ATP2C1: variants seen among roughly 807,000 people sequenced by gnomAD.
ATP2C1 encodes ATPase secretory pathway Ca2+ transporting 1, also known as calcium-transporting ATPase type 2C member 1.
A neutral mutation model predicts 120.5 loss-of-function variants in ATP2C1; 31 were observed. The observed-to-expected ratio is 0.26, with a 90% confidence interval of 0.19 to 0.35. The LOEUF (loss-of-function observed/expected upper bound fraction) is 0.35, where lower values mean the gene tolerates loss of function less well. Ranked by LOEUF, ATP2C1 falls within the 10% of genes least tolerant of loss-of-function variation. The probability of loss-of-function intolerance (pLI) is 1.00; values close to 1 mark genes in which losing one functional copy is unlikely to be tolerated. For missense variants in ATP2C1, 731 were observed against 1,107.5 expected (o/e 0.66, Z 4.83); for synonymous variants, 351 against 358.7 (o/e 0.98, Z 0.24).
At chr3:130,915,282 C>G (rs867380596) in intron 2 of ATP2C1, among the ~76,000 whole-genome samples, 6 of 151,964 alleles carry the variant, frequency 3.9e-5, no homozygotes, top group Non-Finnish European at 8.8e-5. Flanking sequence ...GTAGTAGAGA[C>G]AGGGTTTTAC....
intron 5 of ATP2C1, among the ~76,000 whole-genome samples, chr3:130,936,839 C>T (rs1052847046): frequency 2.7e-5 from 4 of 145,624 alleles, no homozygotes; most frequent in Non-Finnish European, 3.1e-5. Context: ...AAAAAAAACT[C>T]CTCCCTAAAA....
chr3:130,982,989 A>T (rs1156444192), intron 20 of ATP2C1, among the ~76,000 whole-genome samples: 1 of 152,182 alleles, frequency 6.6e-6, no homozygotes, highest in Non-Finnish European at 1.5e-5. Context: ...TTCATTTTAC[A>T]TAACTTTGGC....
intron 1 of ATP2C1, among the ~76,000 whole-genome samples, chr3:130,872,055 G>T (rs1038308486): frequency 6.6e-6 from 1 of 150,798 alleles, no homozygotes; most frequent in Non-Finnish European, 1.5e-5. Flanking sequence ...TTTAAGCAAT[G>T]TCTTGGCCCT....
At chr3:130,898,079 A>G (rs1014793354) in intron 2 of ATP2C1, among the ~76,000 whole-genome samples, 4 of 152,160 alleles carry the variant, frequency 2.6e-5, no homozygotes, top group South Asian at 2.1e-4. Context: ...CTAGTAATGG[A>G]TTTATTTTTT....
chr3:130,941,356 A>AACAG (rs2059912553), intron 7 of ATP2C1, among the ~76,000 whole-genome samples: 1 of 152,132 alleles, frequency 6.6e-6, no homozygotes, highest in Non-Finnish European at 1.5e-5. Flanking sequence ...TTCACAATCA[A>AACAG]ACAGACCCAG....
chr3:130,983,065 A>G (rs934286606), intron 20 of ATP2C1, among the ~76,000 whole-genome samples: 26 of 152,182 alleles, frequency 1.7e-4, no homozygotes, highest in African/African-American at 6.0e-4. Context: ...TGAGTATACC[A>G]TGTGTATGTG....
In ATP2C1 at chr3:130,969,619, G is replaced by A. The variant is rs151335899; in HGVS notation, c.1413+223G>A. 2.0e-3 allele frequency among the ~76,000 whole-genome samples: 307 copies of A among 152,278 alleles called. 1 individual carries two copies. The highest frequency in any genetic ancestry group is 3.7e-4 in the Non-Finnish European group (25 of 68,004). On this transcript the variant is annotated intron_variant, in intron 17 of 27. Transcript: ENST00000510168. ...TATATTCATGGAGTTGCTGCTGTGTGAGCAAACAGCTTAAATGAGTTGTAG... is the reference window on the plus strand; with the variant it reads ...TATATTCATGGAGTTGCTGCTGTGTAAGCAAACAGCTTAAATGAGTTGTAG...
At chr3:130,965,355 A>C (rs2108643630) in intron 14 of ATP2C1, among the ~76,000 whole-genome samples, 1 of 152,174 alleles carries the variant, frequency 6.6e-6, no homozygotes, top group Non-Finnish European at 1.5e-5. Context: ...AGCTTCTTTA[A>C]GTTACCGCCA....
At chr3:130,882,210 T>C (rs2068807041) in intron 1 of ATP2C1, among the ~76,000 whole-genome samples, 1 of 151,046 alleles carries the variant, frequency 6.6e-6, no homozygotes, top group Admixed American at 6.6e-5. Flanking sequence ...TTTTTCTTTC[T>C]TCTTTTTTTT....
intron 16 of ATP2C1, 24 bp downstream of exon 16, chr3:130,967,443 T>C: frequency 6.3e-7 from 1 of 1,592,418 alleles, no homozygotes; most frequent in Non-Finnish European, 8.6e-7. Flanking sequence ...TTTCTCTTCT[T>C]TGACATTTGA....
At chr3:130,869,444 A>AT (rs2068351629) in intron 1 of ATP2C1, 6 of 45,680 alleles carry the variant, frequency 1.3e-4, no homozygotes, top group African/African-American at 2.7e-4. Context: ...AAAAAAAAAA[A>AT]AAAAAAAAAA....
chr3:130,913,449 G>T (rs139037540), intron 2 of ATP2C1, among the ~76,000 whole-genome samples: 1 of 152,152 alleles, frequency 6.6e-6, no homozygotes, highest in Non-Finnish European at 1.5e-5. Flanking sequence ...TGGCCCACCT[G>T]TCAGAAATTA....
chr3:131,002,552 T>C lies in ATP2C1; in HGVS notation c.*1202T>C. ...TAGGTGGATTTTGTGTGTAATGCCA[T>C]CAGTTTTTATGAAAGCTTGATGAGG... On this transcript the variant is annotated 3_prime_UTR_variant, in exon 28 of 28. Transcript: ENST00000510168. The C allele has an allele frequency of 1.0e-6, 1 of 985,420 alleles. No individual in the cohort carries two copies. The highest frequency in any genetic ancestry group is 1.2e-6 in the Non-Finnish European group (1 of 829,916). The allele number at this position is 985,420 out of a possible 1,614,324, so 61.0% of individuals were successfully genotyped here. A position where few individuals can be genotyped will look rare whatever the true frequency, so the allele number is the denominator to read the frequency against.
intron 1 of ATP2C1, among the ~76,000 whole-genome samples, chr3:130,857,919 T>C (rs1356690595): frequency 6.6e-6 from 1 of 152,066 alleles, no homozygotes; most frequent in Non-Finnish European, 1.5e-5. Flanking sequence ...ACCTCAAAAG[T>C]AGGGAAGCTG....
intron 2 of ATP2C1, among the ~76,000 whole-genome samples, chr3:130,916,491 T>C (rs1256461476): frequency 1.3e-5 from 2 of 151,978 alleles, no homozygotes; most frequent in African/African-American, 4.8e-5. Flanking sequence ...CAAAAGGTGA[T>C]TGATTAGTAG....
chr3:130,850,681 G>C (rs546854325), exon 1 of ATP2C1: 107 of 461,458 alleles, frequency 2.3e-4, no homozygotes, highest in African/African-American at 1.8e-3. Context: ...AAACAGCAAG[G>C]AGAACATTTG....
At chr3:130,919,467 C>T (rs1300485151) in intron 2 of ATP2C1, among the ~76,000 whole-genome samples, 1 of 152,126 alleles carries the variant, frequency 6.6e-6, no homozygotes, top group Non-Finnish European at 1.5e-5. Flanking sequence ...GATCCGCCTG[C>T]CTCAGCCTCC....
chr3:130,854,092 G>A (rs986118738), intron 1 of ATP2C1: 8 of 152,170 alleles, frequency 5.3e-5, no homozygotes, highest in Non-Finnish European at 1.0e-4. Flanking sequence ...GCTTTTTCTG[G>A]TGGTGGTAGT....
At chr3:131,016,020 A>C in intron 26 of ATP2C1, 1 of 1,212,274 alleles carries the variant, frequency 8.2e-7, no homozygotes, top group Non-Finnish European at 1.2e-6. Flanking sequence ...CAATTACATT[A>C]AGATTAGTTT....
Sources: gnomAD v4.1 joint callset for allele counts (sites outside exome capture counted in the v4.1 genomes callset) on GRCh38, gnomAD v4.1.1 for gene constraint, MANE v1.5 for transcripts, NCBI Gene and HGNC (gene_info 2026-07-23, HGNC 2026-07-21) for gene names.